Variants in HCN1 observed in about 807,000 individuals in gnomAD.
HCN1 encodes the protein hyperpolarization activated cyclic nucleotide gated potassium channel 1.
In HCN1, 13 loss-of-function variants were observed where a neutral mutation model predicts 78.9. The observed-to-expected ratio is 0.16, with a 90% confidence interval of 0.11 to 0.26. HCN1 has a LOEUF of 0.26. HCN1 is among the 10% of genes least tolerant of loss of function. The pLI is 1.00. For synonymous variants in HCN1, 552 were observed against 455.5 expected, an observed-to-expected ratio of 1.21 and a Z score of -2.70; for missense variants, 810 against 1,154.3, an observed-to-expected ratio of 0.70 and a Z score of 4.32.
At chr5:45,515,907 CA>C (rs977753140) in intron 2 of HCN1, among the ~76,000 whole-genome samples, 3 of 151,866 alleles carry the variant, frequency 2.0e-5, no homozygotes, top group Non-Finnish European at 2.9e-5. Context: ...AATCTACCAC[CA>C]AAAATGCCTC....
At chr5:45,279,471 A>C (rs1006231290) in intron 6 of HCN1, among the ~76,000 whole-genome samples, 1 of 152,174 alleles carries the variant, frequency 6.6e-6, no homozygotes, top group Non-Finnish European at 1.5e-5. Flanking sequence ...CTTTCCAAAA[A>C]GATAAAAGTT....
chr5:45,641,178 T>G (rs1745448546), intron 2 of HCN1, among the ~76,000 whole-genome samples: 2 of 152,156 alleles, frequency 1.3e-5, no homozygotes, highest in Admixed American at 6.6e-5. Context: ...AATATAAAAG[T>G]AATTAGAATA....
chr5:45,439,791 T>C (rs557360262), intron 3 of HCN1, among the ~76,000 whole-genome samples: 1 of 151,972 alleles, frequency 6.6e-6, no homozygotes, highest in South Asian at 2.1e-4. Flanking sequence ...ATATAAATGC[T>C]AGTTCACAGA....
At chr5:45,549,205 A>G (rs1264842568) in intron 2 of HCN1, among the ~76,000 whole-genome samples, 15 of 152,202 alleles carry the variant, frequency 9.9e-5, no homozygotes, top group Non-Finnish European at 1.9e-4. Flanking sequence ...CCTAAGCCAA[A>G]AGAACAAAGC....
At chr5:45,556,641 T>C (rs1298302910) in intron 2 of HCN1, among the ~76,000 whole-genome samples, 1 of 151,960 alleles carries the variant, frequency 6.6e-6, no homozygotes. Flanking sequence ...CAAAGATGAA[T>C]GTTTTAGTCT....
intron 1 of HCN1, 98 bp downstream of exon 1, chr5:45,695,571 G>C: frequency 1.0e-4 from 97 of 924,436 alleles, no homozygotes; most frequent in East Asian, 1.1e-4. Context: ...CCCCCCGCCC[G>C]CCCTCCTAGT....
chr5:45,293,163 G>C lies in HCN1; in HGVS notation c.1618+10436C>G, dbSNP rs371957479. 8.5e-5 allele frequency among the ~76,000 whole-genome samples: 13 copies of C among 152,050 alleles called. No individual in the cohort carries two copies. The East Asian group carries it at 2.3e-3, about 27-fold the overall frequency. On this transcript the variant is annotated intron_variant, in intron 6 of 7. Transcript: ENST00000303230. Reference sequence around the variant, plus strand: ...GTATTTCTGTCTTTAGGTCTTTGAGGAATTACAACACTGTCTTCCACAGTG... The same window carrying C: ...GTATTTCTGTCTTTAGGTCTTTGAGCAATTACAACACTGTCTTCCACAGTG...
At chr5:45,627,140 T>C (rs1158871524) in intron 2 of HCN1, among the ~76,000 whole-genome samples, 2 of 152,126 alleles carry the variant, frequency 1.3e-5, no homozygotes, top group Admixed American at 6.6e-5. Flanking sequence ...CAGGAAGAAA[T>C]ACAATTCCGT....
intron 3 of HCN1, among the ~76,000 whole-genome samples, chr5:45,457,708 A>G (rs1043440397): frequency 1.7e-4 from 26 of 152,158 alleles, no homozygotes; most frequent in Admixed American, 1.7e-3. Context: ...TTAAAGTTTC[A>G]TGTGGTGAGG....
In HCN1 at chr5:45,261,246, T is replaced by A. The variant is rs1744730779; in HGVS notation, c.*675A>T. The A allele has an allele frequency of 6.6e-6, 1 of 152,668 alleles. No individual in the cohort carries two copies. The highest frequency in any genetic ancestry group is 1.5e-5 in the Non-Finnish European group (1 of 68,056). 9.5% of individuals were successfully genotyped at this position (152,668 alleles called of 1,614,324 possible). A position where few individuals can be genotyped will look rare whatever the true frequency, so the allele number is the denominator to read the frequency against. On this transcript the variant is annotated 3_prime_UTR_variant, in exon 8 of 8. Transcript: ENST00000303230. The stretch of plus-strand genomic sequence containing the variant: ...TGATCGAGTCTTGGTAAAAGTCCGA[T>A]AACACATGAAGACAAATATTAATTT...
rs1370793189 is a variant in HCN1 at position 45,258,795 on chromosome 5, C to G, written c.*3126G>C. 2.6e-5 allele frequency: 4 copies of G among 151,212 alleles called. No individual in the cohort carries two copies. Among genetic ancestry groups the G allele is most frequent in the Non-Finnish European group, 5.9e-5 (4 of 67,732 alleles). The allele number at this position is 151,212 out of a possible 1,614,324, so 9.4% of individuals were successfully genotyped here. A position where few individuals can be genotyped will look rare whatever the true frequency, so the allele number is the denominator to read the frequency against. On this transcript the variant is annotated 3_prime_UTR_variant, in exon 8 of 8. Coordinates refer to ENST00000303230, the MANE Select transcript of HCN1 (RefSeq NM_021072.4). ...TTTTGTTATAATAGAGCCCAAGGCC[C>G]TATTATAACAAAATAGGTATGTTAT...
rs894177877 is a variant in HCN1, at chr5:45,484,093, C to T, written c.850-22086G>A. On this transcript the variant is annotated intron_variant, in intron 2 of 7. Coordinates refer to ENST00000303230, the MANE Select transcript of HCN1 (RefSeq NM_021072.4). ...TTCTTTCTGCTTAGGGTAGTGAAAGCTGTATTTTAAACAAATCCCCATTAC... is the reference window on the plus strand; with the variant it reads ...TTCTTTCTGCTTAGGGTAGTGAAAGTTGTATTTTAAACAAATCCCCATTAC... Among the ~76,000 whole-genome samples the T allele has an allele frequency of 2.6e-5, 4 of 152,204 alleles. 1 individual carries two copies. The Middle Eastern group carries it at 0.01, about 388-fold the overall frequency.
chr5:45,366,417 A>G lies in HCN1; in HGVS notation c.1231-13171T>C, dbSNP rs534647931. Among the ~76,000 whole-genome samples the G allele has an allele frequency of 4.6e-5, 7 of 151,888 alleles. No individual in the cohort carries two copies. In the South Asian group the frequency reaches 1.2e-3, roughly 27 times the overall value. On this transcript the variant is annotated intron_variant, in intron 4 of 7. Coordinates refer to ENST00000303230, the MANE Select transcript of HCN1 (RefSeq NM_021072.4). ...AGTGATAGATGATAAATTATTATGT[A>G]AGCCCTGTATATATATGAAAATGCG...
intron 2 of HCN1, among the ~76,000 whole-genome samples, chr5:45,518,448 G>A (rs1742553606): frequency 6.6e-6 from 1 of 151,970 alleles, no homozygotes; most frequent in Admixed American, 6.6e-5. Context: ...CTGGCTACTA[G>A]GAAGAATCTC....
At chr5:45,393,158 C>T (rs62367556) in intron 4 of HCN1, among the ~76,000 whole-genome samples, 9,963 of 152,146 alleles carry the variant, frequency 0.065, 450 homozygotes, top group East Asian at 0.13. Flanking sequence ...TGGTGATATT[C>T]GTATTTTAAT....
intron 6 of HCN1, among the ~76,000 whole-genome samples, chr5:45,285,026 C>A (rs1745240610): frequency 6.6e-6 from 1 of 151,966 alleles, no homozygotes; most frequent in Admixed American, 6.6e-5. Flanking sequence ...TTTTCTAAGT[C>A]CATATTAGGG....
chr5:45,634,701 G>A lies in HCN1; in HGVS notation c.849+10484C>T, dbSNP rs1284798371. Among the ~76,000 whole-genome samples, 5 of 152,042 alleles carry A rather than the reference G, an allele frequency of 3.3e-5. No homozygotes were observed. In the East Asian group the frequency reaches 7.7e-4, roughly 23 times the overall value. ...CAAATATGTGTCAGGAGAAGAAAGA[G>A]GAGTGATCTTTACTAGATTAAAGAT... On this transcript the variant is annotated intron_variant, in intron 2 of 7. Transcript: ENST00000303230.
rs79085918 is a variant in HCN1, at chr5:45,340,571, A to G, written c.1377+12529T>C. Among the ~76,000 whole-genome samples, 378 of 152,196 alleles carry G rather than the reference A, an allele frequency of 2.5e-3. 1 individual carries two copies. Among genetic ancestry groups the G allele is most frequent in the African/African-American group, 7.9e-3 (327 of 41,546 alleles). On this transcript the variant is annotated intron_variant, in intron 5 of 7. Transcript: ENST00000303230. ...ACCTCTCCAGGCCCCTGAGAATCCA[A>G]TCTGGTTCCAGTGTCCTGAAATTCT...
chr5:45,439,230 T>C (rs184157612), intron 3 of HCN1, among the ~76,000 whole-genome samples: 1 of 152,270 alleles, frequency 6.6e-6, no homozygotes, highest in East Asian at 1.9e-4. Flanking sequence ...TTATGAATTT[T>C]AGTGTAAGTT....
Sources: allele counts gnomAD v4.1 joint callset (sites outside exome capture counted in the v4.1 genomes callset), GRCh38; gene constraint gnomAD v4.1.1; transcripts MANE v1.5; gene names NCBI Gene and HGNC (gene_info 2026-07-23, HGNC 2026-07-21).